Variants in TIAL1 observed in about 807,000 individuals in gnomAD.
TIAL1 encodes TIA1 cytotoxic granule associated RNA binding protein like 1.
A neutral mutation model predicts 59.7 loss-of-function variants in TIAL1; 7 were observed. The ratio of observed to expected loss-of-function variants is 0.12; its 90% CI spans 0.07 to 0.22. TIAL1 has a LOEUF of 0.22. TIAL1 is among the 10% of genes least tolerant of loss of function. The pLI is 1.00. For synonymous variants in TIAL1, 149 were observed against 146.3 expected (o/e 1.02, Z -0.13); for missense variants, 225 against 462.5 (o/e 0.49, Z 4.71).
Position 119,582,268 on chromosome 10 carries a change from G to A in TIAL1, c.229-45C>T, listed in dbSNP as rs754422220. 6.6e-7 allele frequency: 1 copy of A among 1,521,934 alleles called. No homozygotes were observed. Among genetic ancestry groups the A allele is most frequent in the Non-Finnish European group, 8.9e-7 (1 of 1,120,660 alleles). 94.3% of individuals were successfully genotyped at this position (1,521,934 alleles called of 1,614,324 possible). A position where few individuals can be genotyped will look rare whatever the true frequency, so the allele number is the denominator to read the frequency against. ...TTAATAAAATTATTAGGCATGTCAT[G>A]AGTTACAACACTTACCACTTATTAA... On this transcript the variant is annotated intron_variant, in intron 3 of 11. Coordinates refer to ENST00000436547, the MANE Select transcript of TIAL1 (RefSeq NM_003252.4). The surrounding 1 kb of genome is among the most constrained non-coding windows in gnomAD (Gnocchi z 5.1).
rs762791718 is a variant in TIAL1, at chr10:119,590,800, G to GAAAGAAAGAAAGAAAGAAAGAAAGAAAA, written c.33-2553_33-2552insTTTTCTTTCTTTCTTTCTTTCTTTCTTT. On this transcript the variant is annotated intron_variant, in intron 1 of 11. Transcript: ENST00000436547. Reference sequence around the variant, plus strand: ...AGAAAGAAAGAAAGAAAGAAAGAAAGAAAGAAAGAAAGAAAGAAAGAAACG... The same window carrying GAAAGAAAGAAAGAAAGAAAGAAAGAAAA: ...AGAAAGAAAGAAAGAAAGAAAGAAAGAAAGAAAGAAAGAAAGAAAGAAAGAAAAAAAGAAAGAAAGAAAGAAAGAAACG... 9.8e-3 allele frequency among the ~76,000 whole-genome samples: 1,389 copies of GAAAGAAAGAAAGAAAGAAAGAAAGAAAA among 141,294 alleles called. 18 individuals carry two copies. The highest frequency in any genetic ancestry group is 0.015 in the Middle Eastern group (4 of 268). 92.7% of individuals were successfully genotyped at this position (141,294 alleles called of 152,430 possible). A position where few individuals can be genotyped will look rare whatever the true frequency, so the allele number is the denominator to read the frequency against.
intron 1 of TIAL1, among the ~76,000 whole-genome samples, chr10:119,595,973 G>C (rs1440449721): frequency 6.6e-6 from 1 of 151,900 alleles, no homozygotes; most frequent in Non-Finnish European, 1.5e-5. Context: ...GGAGCGACTC[G>C]AGCTGAGGAC....
chr10:119,585,450 T>C (rs1366546903), intron 2 of TIAL1, among the ~76,000 whole-genome samples: 1 of 143,310 alleles, frequency 7.0e-6, no homozygotes, highest in African/African-American at 2.7e-5. Flanking sequence ...ACCCTGTCTC[T>C]TAAAAAAAAA....
rs373721953 is a variant in TIAL1, at chr10:119,577,442, G to C, written c.737+9C>G. The C allele has an allele frequency of 9.4e-6, 15 of 1,600,440 alleles. No individual in the cohort carries two copies. In the African/African-American group the frequency reaches 1.9e-4, roughly 20 times the overall value. On this transcript the variant is annotated intron_variant, in intron 9 of 11. Coordinates refer to ENST00000436547, the MANE Select transcript of TIAL1 (RefSeq NM_003252.4). ...AAGAGTAATAATGATATTTCAAGTA[G>C]AGTGTTACCTGACAAATGAATAGCC...
chr10:119,595,437 T>TAAAAAAAA (rs3064561), intron 1 of TIAL1, among the ~76,000 whole-genome samples: 1 of 139,824 alleles, frequency 7.2e-6, no homozygotes, highest in African/African-American at 2.6e-5. Context: ...TATTCAGACT[T>TAAAAAAAA]AAAAAAAAAA....
At chr10:119,586,371 A>G (rs186032538) in intron 2 of TIAL1, among the ~76,000 whole-genome samples, 2 of 152,220 alleles carry the variant, frequency 1.3e-5, no homozygotes, top group Admixed American at 1.3e-4. Flanking sequence ...CCTCCAAAAT[A>G]TATTCCAAAT....
chr10:119,589,622 G>C (rs979005475), intron 1 of TIAL1, among the ~76,000 whole-genome samples: 11 of 151,776 alleles, frequency 7.2e-5, no homozygotes. Flanking sequence ...AAAAATTTGG[G>C]TTTTTTTTCC....
chr10:119,581,937 G>A lies in TIAL1; in HGVS notation c.356C>T (p.Pro119Leu). The change falls in exon 5 of 12, where the codon CCC becomes CTC. Residue 119 changes from proline (P) to leucine (L), a missense_variant. By Grantham distance (98) the Pro-to-Leu change is moderately conservative. Around this residue, in one of 4 missense-constraint regions of TIAL1, gnomAD observed 38 missense variants for 173.0 expected, o/e 0.22. Coordinates refer to ENST00000436547, the MANE Select transcript of TIAL1 (RefSeq NM_003252.4). The stretch of plus-strand genomic sequence containing the variant: ...TGATACTTACGATATTTTACCAAAG[G>A]GGGCAAATGCTGATTTGATATCTTC... ...TTEDIKSAFA[P>L]FGKISDARVV... The A allele has an allele frequency of 1.9e-6, 3 of 1,613,170 alleles. No individual in the cohort carries two copies. Among genetic ancestry groups the A allele is most frequent in the Non-Finnish European group, 2.5e-6 (3 of 1,179,370 alleles).
At chr10:119,586,803 T>A (rs1845590408) in intron 2 of TIAL1, among the ~76,000 whole-genome samples, 1 of 152,226 alleles carries the variant, frequency 6.6e-6, no homozygotes, top group East Asian at 1.9e-4. Context: ...CTCCAGCTCT[T>A]ACCATAGATA....
intron 1 of TIAL1, among the ~76,000 whole-genome samples, chr10:119,590,847 A>G (rs909834435): frequency 9.2e-5 from 14 of 152,234 alleles, no homozygotes; most frequent in African/African-American, 3.4e-4. Context: ...TTGAGCTTCT[A>G]AACATTATGC....
chr10:119,581,863 G>T, intron 5 of TIAL1, 59 bp downstream of exon 5: 1 of 1,224,148 alleles, frequency 8.2e-7, no homozygotes, highest in Non-Finnish European at 1.2e-6. Flanking sequence ...TCAATTACAA[G>T]TTAATCATAT....
chr10:119,584,190 CAT>C (rs1486567293), intron 2 of TIAL1, among the ~76,000 whole-genome samples: 1 of 152,266 alleles, frequency 6.6e-6, no homozygotes, highest in Admixed American at 6.5e-5. Flanking sequence ...TATATATACA[CAT>C]ATATTCACTG....
At chr10:119,577,929 A>C (rs1425595959) in intron 7 of TIAL1, among the ~76,000 whole-genome samples, 193 bp from the exon 8 acceptor site, 1 of 152,084 alleles carries the variant, frequency 6.6e-6, no homozygotes, top group East Asian at 1.9e-4. Flanking sequence ...GTCTCTACTA[A>C]AAATACAAAA....
intron 1 of TIAL1, among the ~76,000 whole-genome samples, chr10:119,591,464 T>C (rs1005374061): frequency 2.0e-5 from 3 of 152,134 alleles, no homozygotes; most frequent in Non-Finnish European, 2.9e-5. Flanking sequence ...GTTACAGATC[T>C]TGAAGAATTT....
At chr10:119,576,515 G>T in intron 11 of TIAL1, 96 bp downstream of exon 11, 1 of 1,467,176 alleles carries the variant, frequency 6.8e-7, no homozygotes. Context: ...ATAGCTCAAT[G>T]TATATAATTA....
chr10:119,576,991 A>C (rs1378539075), intron 10 of TIAL1, 89 bp downstream of exon 10: 2 of 1,513,742 alleles, frequency 1.3e-6, no homozygotes, highest in Non-Finnish European at 1.8e-6. Context: ...TATATGCTTT[A>C]TTTTATTGTT....
At chr10:119,587,866 C>T (rs536565203) in intron 2 of TIAL1, among the ~76,000 whole-genome samples, 1 of 152,270 alleles carries the variant, frequency 6.6e-6, no homozygotes, top group African/African-American at 2.4e-5. Flanking sequence ...AAATACTTTC[C>T]AATTTTTCAC....
chr10:119,591,819 T>A (rs573998514), intron 1 of TIAL1, among the ~76,000 whole-genome samples: 1 of 152,368 alleles, frequency 6.6e-6, no homozygotes, highest in Non-Finnish European at 1.5e-5. Context: ...CCTCTTCATT[T>A]ACATTTGCCT....
intron 10 of TIAL1, 165 bp from the exon 11 acceptor site, chr10:119,576,915 G>A: frequency 7.5e-7 from 1 of 1,327,500 alleles, no homozygotes; most frequent in East Asian, 2.4e-5. Flanking sequence ...CCTGTGAAAA[G>A]AAAGTATTAA....
Sources: allele counts gnomAD v4.1 joint callset (sites outside exome capture counted in the v4.1 genomes callset), GRCh38; gene constraint gnomAD v4.1.1; regional missense constraint gnomAD v4.1.1; non-coding constraint Gnocchi (gnomAD v3.1); transcripts MANE v1.5; gene names NCBI Gene and HGNC (gene_info 2026-07-23, HGNC 2026-07-21).